RANBP3: variants seen among roughly 807,000 people sequenced by gnomAD.
RANBP3 encodes ran-binding protein 3.
Under a neutral mutation model 77.3 loss-of-function variants are expected in RANBP3, and 14 were observed. The observed-to-expected ratio is 0.18, with a 90% CI of 0.12 to 0.28. The LOEUF (loss-of-function observed/expected upper bound fraction) is 0.28, where lower values mean the gene tolerates loss of function less well. Among genes scored for constraint, RANBP3 ranks in the 10% least tolerant of loss-of-function variants. The pLI is 1.00. For missense variants in RANBP3, 586 were observed against 752.3 expected, an observed-to-expected ratio of 0.78 and a Z score of 2.59; for synonymous variants, 315 against 312.4, an observed-to-expected ratio of 1.01 and a Z score of -0.09.
intron 1 of RANBP3, among the ~76,000 whole-genome samples, chr19:5,966,511 A>G (rs2058469505): frequency 1.3e-5 from 2 of 151,946 alleles, no homozygotes; most frequent in South Asian, 2.1e-4. Context: ...CAACACACAC[A>G]CTCTCGCCTC....
chr19:5,954,323 A>G (rs1171590880), intron 2 of RANBP3, among the ~76,000 whole-genome samples: 1 of 152,188 alleles, frequency 6.6e-6, no homozygotes, highest in East Asian at 1.9e-4. Flanking sequence ...TAAAGTCACT[A>G]TAAGTGACAT....
chr19:5,971,485 A>G (rs1203627115), intron 1 of RANBP3, among the ~76,000 whole-genome samples: 1 of 152,192 alleles, frequency 6.6e-6, no homozygotes. Flanking sequence ...ATCTGCTTCT[A>G]TAGTTCATCT....
In RANBP3 at chr19:5,941,721, T is replaced by C; in HGVS notation, c.320-14A>G. ...CTCTGTCAGAATCTACAGAAAATGA[T>C]GAGAAGAGGAGGAGAAAAATCAGGT... is the stretch of plus-strand genomic sequence containing the variant. On this transcript the variant is annotated splice_polypyrimidine_tract_variant and intron_variant, in intron 4 of 16. Transcript: ENST00000340578. 6 of 1,613,024 alleles carry C rather than the reference T, an allele frequency of 3.7e-6. No individual in the cohort carries two copies. Among genetic ancestry groups the C allele is most frequent in the East Asian group, 2.2e-5 (1 of 44,884 alleles).
chr19:5,956,353 G>A (rs1237540008), intron 2 of RANBP3, among the ~76,000 whole-genome samples: 1 of 152,136 alleles, frequency 6.6e-6, no homozygotes, highest in Non-Finnish European at 1.5e-5. Flanking sequence ...CTAGAGAAAT[G>A]CACCAGTCCT....
At chr19:5,933,255 G>C in intron 6 of RANBP3, 159 bp downstream of exon 6, 3 of 581,564 alleles carry the variant, frequency 5.2e-6, no homozygotes, top group East Asian at 3.2e-5. Context: ...TCCCTGCTCA[G>C]ACAGCCTCTC....
intron 6 of RANBP3, chr19:5,933,016 CCTCACTAGCAGCCGG>C (rs991516078): frequency 3.9e-5 from 10 of 253,840 alleles, no homozygotes; most frequent in African/African-American, 2.0e-4. Flanking sequence ...TCCCCGGCAG[CCTCACTAGCAGCCGG>C]CTCACTAGCA....
At chr19:5,919,554 C>T (rs1224015514) in intron 14 of RANBP3, among the ~76,000 whole-genome samples, 1 of 152,198 alleles carries the variant, frequency 6.6e-6, no homozygotes, top group Admixed American at 6.5e-5. Context: ...TATGCCCTCT[C>T]TTTCCATGGA....
At chr19:5,965,107 T>C (rs1431527605) in intron 1 of RANBP3, among the ~76,000 whole-genome samples, 1 of 151,658 alleles carries the variant, frequency 6.6e-6, no homozygotes, top group Non-Finnish European at 1.5e-5. Context: ...ACTGTTCTCC[T>C]TGCAGGGGGC....
chr19:5,960,725 G>T (rs748218846), intron 1 of RANBP3, among the ~76,000 whole-genome samples: 2 of 152,252 alleles, frequency 1.3e-5, no homozygotes, highest in Non-Finnish European at 2.9e-5. Context: ...GAACCGTGTC[G>T]GTGGATCTGC....
chr19:5,952,561 A>G lies in RANBP3; in HGVS notation c.79-965T>C, dbSNP rs2058288311. Among the ~76,000 whole-genome samples the G allele has an allele frequency of 6.6e-6, 1 of 152,186 alleles. No homozygotes were observed. The highest frequency in any genetic ancestry group is 2.4e-5 in the African/African-American group (1 of 41,444). Reference sequence around the variant, plus strand: ...CAAACCTCCCTCTTGGCATCGTCCAACGACATGGAGCCATTTCTCGCACTC... The same window carrying G: ...CAAACCTCCCTCTTGGCATCGTCCAGCGACATGGAGCCATTTCTCGCACTC... On this transcript the variant is annotated intron_variant, in intron 2 of 16. Coordinates refer to ENST00000340578, the MANE Select transcript of RANBP3 (RefSeq NM_007322.3). The surrounding 1 kb of genome is among the most constrained non-coding windows in gnomAD (Gnocchi z 4.1).
Position 5,932,504 on chromosome 19 carries a change from C to T in RANBP3, c.513G>A (p.Val171=). 1 of 1,613,882 alleles carries T rather than the reference C, an allele frequency of 6.2e-7. No homozygotes were observed. Among genetic ancestry groups the T allele is most frequent in the Non-Finnish European group, 8.5e-7 (1 of 1,180,024 alleles). ...SQKPKEQQRS[V]LRPAVLQAPQ... ...GAGCTTGTAACACTGCCGGGCGAAGCACGCTCCGCTGCTGCTCCTTGGGCT... is the reference window on the plus strand; with the variant it reads ...GAGCTTGTAACACTGCCGGGCGAAGTACGCTCCGCTGCTGCTCCTTGGGCT... The change falls in exon 7 of 17, where the codon GTG becomes GTA. Residue 171 remains valine (V), a synonymous_variant. Transcript: ENST00000340578.
At chr19:5,923,407 C>T (rs896526281) in intron 12 of RANBP3, 104 bp from the exon 13 acceptor site, 36 of 1,159,972 alleles carry the variant, frequency 3.1e-5, no homozygotes, top group East Asian at 7.2e-5. Flanking sequence ...GTCTCAAGGA[C>T]GCCTGCTGCC....
chr19:5,933,634 C>A, intron 5 of RANBP3, 155 bp from the exon 6 acceptor site: 1 of 573,924 alleles, frequency 1.7e-6, no homozygotes, highest in South Asian at 2.2e-5. Flanking sequence ...AAGTCTCGTC[C>A]GATCAGCAGG....
intron 6 of RANBP3, 55 bp from the exon 7 acceptor site, chr19:5,932,599 C>CAGG: frequency 6.9e-7 from 1 of 1,453,334 alleles, no homozygotes; most frequent in Non-Finnish European, 9.6e-7. Flanking sequence ...TGCCCCCAGG[C>CAGG]GCTTCAGAGA....
At chr19:5,936,904 TCA>T (rs1487048178) in intron 5 of RANBP3, among the ~76,000 whole-genome samples, 1 of 151,198 alleles carries the variant, frequency 6.6e-6, no homozygotes, top group African/African-American at 2.4e-5. Flanking sequence ...GGGATGGTGC[TCA>T]GAGTATCCCA....
Position 5,952,813 on chromosome 19 carries a change from G to A in RANBP3, c.79-1217C>T, listed in dbSNP as rs2058291581. 6.6e-6 allele frequency among the ~76,000 whole-genome samples: 1 copy of A among 152,122 alleles called. No homozygotes were observed. The highest frequency in any genetic ancestry group is 2.4e-5 in the African/African-American group (1 of 41,414). On this transcript the variant is annotated intron_variant, in intron 2 of 16. Coordinates refer to ENST00000340578, the MANE Select transcript of RANBP3 (RefSeq NM_007322.3). This position sits in a 1 kb window ranked among gnomAD's most constrained non-coding sequence, Gnocchi z 4.1. ...CAAAAGTAATCAAGGGGACACTGTCGCCTCTTCGTATCCAGGGCAGAGCCA... is the reference window on the plus strand; with the variant it reads ...CAAAAGTAATCAAGGGGACACTGTCACCTCTTCGTATCCAGGGCAGAGCCA...
Position 5,978,090 on chromosome 19 carries a change from C to G in RANBP3, c.-8G>C. The G allele has an allele frequency of 1.2e-6, 2 of 1,609,762 alleles. No individual in the cohort carries two copies. The highest frequency in any genetic ancestry group is 1.7e-6 in the Non-Finnish European group (2 of 1,178,344). On this transcript the variant is annotated 5_prime_UTR_variant, in exon 1 of 17. Coordinates refer to ENST00000340578, the MANE Select transcript of RANBP3 (RefSeq NM_007322.3). ...GTTCGCCAGGTCCGCCATTTTACTTCCTTAAGCCCTCCCACAAGGCCCCGC... is the reference window on the plus strand; with the variant it reads ...GTTCGCCAGGTCCGCCATTTTACTTGCTTAAGCCCTCCCACAAGGCCCCGC...
At chr19:5,961,878 C>T (rs1002149057) in intron 1 of RANBP3, among the ~76,000 whole-genome samples, 2 of 151,962 alleles carry the variant, frequency 1.3e-5, no homozygotes, top group African/African-American at 4.8e-5. Flanking sequence ...TGTCGCTGCA[C>T]GTCCCACACT....
At chr19:5,971,776 G>T (rs2058533221) in intron 1 of RANBP3, among the ~76,000 whole-genome samples, 1 of 152,300 alleles carries the variant, frequency 6.6e-6, no homozygotes, top group East Asian at 1.9e-4. Context: ...AGCACTCTAA[G>T]TGTAGAGAAT....
Sources: allele counts gnomAD v4.1 joint callset (sites outside exome capture counted in the v4.1 genomes callset), GRCh38; gene constraint gnomAD v4.1.1; non-coding constraint Gnocchi (gnomAD v3.1); transcripts MANE v1.5; gene names NCBI Gene and HGNC (gene_info 2026-07-23, HGNC 2026-07-21).